Variants in GPS1 observed in about 807,000 individuals in gnomAD.
GPS1 encodes the protein COP9 signalosome complex subunit 1.
Under a neutral mutation model 60.0 loss-of-function variants are expected in GPS1, and 11 were observed. That is an observed-to-expected ratio of 0.18 (90% CI 0.12 to 0.30). The LOEUF is 0.30. GPS1 is among the 10% of genes least tolerant of loss of function. The pLI, the probability that GPS1 is intolerant of heterozygous loss-of-function variation, is 1.00. For missense variants in GPS1, 543 were observed against 669.2 expected, an observed-to-expected ratio of 0.81 and a Z score of 2.08; for synonymous variants, 343 against 269.8, an observed-to-expected ratio of 1.27 and a Z score of -2.66.
At chr17:82,056,118 C>T in intron 8 of GPS1, 23 bp downstream of exon 8, 1 of 1,577,714 alleles carries the variant, frequency 6.3e-7, no homozygotes, top group Non-Finnish European at 8.7e-7. Flanking sequence ...GTCCTGCAGC[C>T]CTGAAGGCTG....
chr17:82,051,941 C>T lies in GPS1; in HGVS notation c.10C>T (p.Pro4Ser). 1 of 1,166,420 alleles carries T rather than the reference C, an allele frequency of 8.6e-7. No individual in the cohort carries two copies. 72.3% of individuals were successfully genotyped at this position (1,166,420 alleles called of 1,614,324 possible). The change falls in exon 1 of 13, where the codon CCG (proline) becomes TCG (serine). Residue 4 changes from proline (P) to serine (S), a missense_variant. Coordinates refer to ENST00000578552, the MANE Select transcript of GPS1 (RefSeq NM_001321092.3). The surrounding 1 kb of genome is among the most constrained non-coding windows in gnomAD (Gnocchi z 4.1). ...GCGGGGTGGGTGCAAGATGCCGCTG[C>T]CGGTTCAGGTGTTTAACTTGCAGGT... MPL[P>S]VQVFNLQGAV...
At chr17:82,055,683 C>T in intron 6 of GPS1, 57 bp from the exon 7 acceptor site, 1 of 1,267,680 alleles carries the variant, frequency 7.9e-7, no homozygotes, top group Admixed American at 2.0e-5. Flanking sequence ...GCGGCTTCCC[C>T]AGGCTCTGGG....
At position 82,053,379 on chromosome 17, in the gene GPS1, G is replaced by C; in HGVS notation, c.126+13G>C. ...GAACCCCAGCCTGGTACGGAGCCCAGTGGGGGGACCTTGGGTGTCTCAGTC... is the reference window on the plus strand; with the variant it reads ...GAACCCCAGCCTGGTACGGAGCCCACTGGGGGGACCTTGGGTGTCTCAGTC... On this transcript the variant is annotated intron_variant, in intron 2 of 12. Transcript: ENST00000578552. 1 of 1,460,348 alleles carries C rather than the reference G, an allele frequency of 6.8e-7. No homozygotes were observed. Among genetic ancestry groups the C allele is most frequent in the Non-Finnish European group, 9.0e-7 (1 of 1,108,196 alleles). The allele number at this position is 1,460,348 out of a possible 1,614,324, so 90.5% of individuals were successfully genotyped here.
At chr17:82,054,158 G>T in intron 3 of GPS1, 109 bp downstream of exon 3, 1 of 1,273,318 alleles carries the variant, frequency 7.9e-7, no homozygotes, top group Admixed American at 2.6e-5. Flanking sequence ...GTGCTGGGAA[G>T]TCGGGCGGGT....
intron 2 of GPS1, 54 bp downstream of exon 2, chr17:82,053,420 G>A: frequency 2.3e-6 from 3 of 1,284,710 alleles, no homozygotes; most frequent in South Asian, 1.9e-5. Flanking sequence ...GAGGGGTCCA[G>A]GGCACACTCC....
rs1326495942 is a variant in GPS1, at chr17:82,053,380, T to TG, written c.126+20dup. 3 of 1,456,384 alleles carry TG rather than the reference T, an allele frequency of 2.1e-6. No individual in the cohort carries two copies. The highest frequency in any genetic ancestry group is 5.4e-5 in the East Asian group (2 of 36,996). The allele number at this position is 1,456,384 out of a possible 1,614,324, so 90.2% of individuals were successfully genotyped here. ...AACCCCAGCCTGGTACGGAGCCCAG[T>TG]GGGGGGACCTTGGGTGTCTCAGTCC... On this transcript the variant is annotated intron_variant, in intron 2 of 12. Transcript: ENST00000578552.
chr17:82,054,908 A>C lies in GPS1; in HGVS notation c.620A>C (p.Tyr207Ser). 6.3e-7 allele frequency: 1 copy of C among 1,592,538 alleles called. No individual in the cohort carries two copies. Among genetic ancestry groups the C allele is most frequent in the Non-Finnish European group, 8.6e-7 (1 of 1,166,218 alleles). ...MCLNVIKVSV[Y>S]LQNWSHVLSY... ...GCGCCCCCCCGCCAGGTCAGCGTCT[A>C]CTTGCAGAATTGGTCTCATGTGCTC... is the stretch of plus-strand genomic sequence containing the variant. Residue 207 changes from tyrosine (Y) to serine (S), a missense_variant, in exon 5 of 13, where the codon TAC becomes TCC. Physicochemically the swap from Tyr to Ser is moderately radical, Grantham distance 144. Around this residue, in one of 3 missense-constraint regions of GPS1, gnomAD observed 71 missense variants for 126.7 expected, o/e 0.56. Transcript: ENST00000578552.
intron 1 of GPS1, chr17:82,052,521 G>A (rs1191986323): frequency 1.3e-6 from 2 of 1,562,758 alleles, no homozygotes; most frequent in Non-Finnish European, 1.7e-6. Context: ...GGCCGCCCCT[G>A]CTGTGGCTGG....
intron 3 of GPS1, 138 bp downstream of exon 3, chr17:82,054,187 T>C: frequency 1.0e-6 from 1 of 977,400 alleles, no homozygotes; most frequent in Non-Finnish European, 1.5e-6. Context: ...CGCTCTCTTT[T>C]GGCCAGCAGT....
Position 82,054,582 on chromosome 17 carries a change from G to T in GPS1, c.381G>T (p.Val127=), listed in dbSNP as rs1371390356. 1 of 1,601,970 alleles carries T rather than the reference G, an allele frequency of 6.2e-7. No individual in the cohort carries two copies. Among genetic ancestry groups the T allele is most frequent in the Admixed American group, 1.7e-5 (1 of 59,452 alleles). ...VEPPALDTAW[V]EATRKKALLK... ...CCCCAGCCCTGGACACGGCCTGGGT[G>T]GAGGCCACGCGGAAGAAGGCGCTGC... The change falls in exon 4 of 13, where the codon GTG becomes GTT. Residue 127 remains valine (V), a synonymous_variant. Coordinates refer to ENST00000578552, the MANE Select transcript of GPS1 (RefSeq NM_001321092.3).
chr17:82,055,486 C>T, intron 6 of GPS1: 1 of 607,192 alleles, frequency 1.6e-6, no homozygotes, highest in South Asian at 2.0e-5. Context: ...ACTGGGGTGT[C>T]CTTTGCAGCC....
chr17:82,056,607 C>T (rs1400707495), intron 10 of GPS1, 22 bp from the exon 11 acceptor site: 11 of 1,612,124 alleles, frequency 6.8e-6, no homozygotes, highest in Middle Eastern at 1.7e-4. Context: ...GGCTGTGGAG[C>T]TGACTTCCCT....
chr17:82,056,827 T>C lies in GPS1; in HGVS notation c.1255-13T>C. The C allele has an allele frequency of 6.2e-7, 1 of 1,611,816 alleles. No homozygotes were observed. Among genetic ancestry groups the C allele is most frequent in the Non-Finnish European group, 8.5e-7 (1 of 1,179,508 alleles). ...GGGTGAGCCTGGGCCCCGCTGAGCT[T>C]GTGCCTGCACAGATCCTATACGCCC... is the stretch of plus-strand genomic sequence containing the variant. On this transcript the variant is annotated splice_polypyrimidine_tract_variant and intron_variant, in intron 11 of 12. Coordinates refer to ENST00000578552, the MANE Select transcript of GPS1 (RefSeq NM_001321092.3).
rs1479356167 is a variant in GPS1 at position 82,056,029 on chromosome 17, A to G, written c.863A>G (p.Tyr288Cys). Reference sequence around the variant, plus strand: ...CTGTCCCCCAGCAACGTGGCCATCTACGGTGGCCTGTGCGCCTTGGCTACC... The same window carrying G: ...CTGTCCCCCAGCAACGTGGCCATCTGCGGTGGCCTGTGCGCCTTGGCTACC... ...ELLSPSNVAI[Y>C]GGLCALATFD... is the part of the protein sequence containing the mutation. The change falls in exon 8 of 13, where the codon TAC becomes TGC. Residue 288 changes from tyrosine (Y) to cysteine (C), a missense_variant. Tyr to Cys is a radical substitution (Grantham distance 194). Transcript: ENST00000578552. The G allele has an allele frequency of 6.2e-7, 1 of 1,612,140 alleles. No individual in the cohort carries two copies. Among genetic ancestry groups the G allele is most frequent in the Admixed American group, 1.7e-5 (1 of 59,992 alleles).
At position 82,055,934 on chromosome 17, in the gene GPS1, CG is replaced by C; in HGVS notation, c.835-64del. 7 of 1,439,706 alleles carry C rather than the reference CG, an allele frequency of 4.9e-6. No individual in the cohort carries two copies. The South Asian group carries it at 7.0e-5, about 14-fold the overall frequency. 89.2% of individuals were successfully genotyped at this position (1,439,706 alleles called of 1,614,324 possible). On this transcript the variant is annotated intron_variant, in intron 7 of 12. Transcript: ENST00000578552. Reference sequence around the variant, plus strand: ...AATGGGGTCTTAGGCATTCTCCGAGCGGGTGATGGGCAGGCAGGGGTGGCCT... The same window carrying C: ...AATGGGGTCTTAGGCATTCTCCGAGCGGTGATGGGCAGGCAGGGGTGGCCT...
Position 82,054,885 on chromosome 17 carries a change from G to A in GPS1, c.610-13G>A, listed in dbSNP as rs371520281. On this transcript the variant is annotated splice_polypyrimidine_tract_variant and intron_variant, in intron 4 of 12. Coordinates refer to ENST00000578552, the MANE Select transcript of GPS1 (RefSeq NM_001321092.3). The stretch of plus-strand genomic sequence containing the variant: ...GGCGCCCGGGCTCACTTGGCTCTGC[G>A]CCCCCCCGCCAGGTCAGCGTCTACT... 28 of 1,569,160 alleles carry A rather than the reference G, an allele frequency of 1.8e-5. No homozygotes were observed. In the Admixed American group the frequency reaches 1.9e-4, roughly 11 times the overall value.
chr17:82,056,925 A>G lies in GPS1; in HGVS notation c.1340A>G (p.Lys447Arg). 1 of 1,612,952 alleles carries G rather than the reference A, an allele frequency of 6.2e-7. No individual in the cohort carries two copies. The highest frequency in any genetic ancestry group is 1.7e-5 in the Admixed American group (1 of 60,026). The change falls in exon 12 of 13, where the codon AAG becomes AGG. Residue 447 changes from lysine to arginine, a missense_variant. This residue lies in a region of GPS1 where 291 missense variants were observed against 353.7 expected (regional missense o/e 0.82). Coordinates refer to ENST00000578552, the MANE Select transcript of GPS1 (RefSeq NM_001321092.3). ...GGCAAGGAGTTCCAGCGCCGCGCCA[A>G]GGCCATGATGCTGCGGGCAGCTGTG... ...LMGKEFQRRA[K>R]AMMLRAAVLR...
At position 82,054,087 on chromosome 17, in the gene GPS1, C is replaced by T. The variant is rs779314744; in HGVS notation, c.308+38C>T. ...GCTTGGCGAGAGGAAGCAGAGGCCA[C>T]CAAGGGAGCGCGGGTGTCTGGGACT... is the stretch of plus-strand genomic sequence containing the variant. On this transcript the variant is annotated intron_variant, in intron 3 of 12. Transcript: ENST00000578552. The T allele has an allele frequency of 3.2e-6, 5 of 1,570,672 alleles. No homozygotes were observed. In the Middle Eastern group the frequency reaches 5.2e-4, roughly 162 times the overall value.
At position 82,056,977 on chromosome 17, in the gene GPS1, G is replaced by C. The variant is rs759719550; in HGVS notation, c.1389+3G>C. ...TCCGCAACCAGATCCATGTCAAGGT[G>C]GGCTGGCTTGAGGGGGGGCAGGCGC... On this transcript the variant is annotated splice_donor_region_variant and intron_variant, in intron 12 of 12. Coordinates refer to ENST00000578552, the MANE Select transcript of GPS1 (RefSeq NM_001321092.3). 11 of 1,612,824 alleles carry C rather than the reference G, an allele frequency of 6.8e-6. No individual in the cohort carries two copies. Among genetic ancestry groups the C allele is most frequent in the Non-Finnish European group, 9.3e-6 (11 of 1,179,920 alleles).
Sources: gnomAD v4.1 joint callset for allele counts on GRCh38, gnomAD v4.1.1 for gene constraint, gnomAD v4.1.1 regional missense constraint, Gnocchi (gnomAD v3.1) non-coding constraint, MANE v1.5 for transcripts, NCBI Gene and HGNC (gene_info 2026-07-23, HGNC 2026-07-21) for gene names.